PDE4D: variants seen among roughly 807,000 people sequenced by gnomAD.
The protein encoded by PDE4D is phosphodiesterase 4D.
In PDE4D, 24 loss-of-function variants were observed where a neutral mutation model predicts 87.4. That is an observed-to-expected ratio of 0.27 (90% CI 0.20 to 0.39). The LOEUF is 0.39. Ranked by LOEUF, PDE4D falls within the 10% of genes least tolerant of loss-of-function variation. The pLI is 1.00. For missense variants in PDE4D, 714 were observed against 1,041.0 expected, an observed-to-expected ratio of 0.69 and a Z score of 4.32; for synonymous variants, 384 against 383.2, an observed-to-expected ratio of 1.00 and a Z score of -0.02.
intron 5 of PDE4D, among the ~76,000 whole-genome samples, chr5:59,119,173 C>T (rs368291824): frequency 2.6e-5 from 4 of 152,212 alleles, no homozygotes; most frequent in Non-Finnish European, 2.9e-5. Flanking sequence ...ACCATATTCA[C>T]GAAAGTGAAT....
intron 2 of PDE4D, among the ~76,000 whole-genome samples, chr5:60,166,007 T>C (rs1284148819): frequency 6.6e-6 from 1 of 152,182 alleles, no homozygotes; most frequent in Non-Finnish European, 1.5e-5. Flanking sequence ...TAGTGTATTC[T>C]GATTCCTTGC....
At chr5:59,565,608 G>A (rs1223673845) in intron 1 of PDE4D, among the ~76,000 whole-genome samples, 1 of 152,242 alleles carries the variant, frequency 6.6e-6, no homozygotes, top group South Asian at 2.1e-4. Flanking sequence ...ACTGGGAGGT[G>A]TGGGTAGTGG....
intron 5 of PDE4D, chr5:59,125,384 T>C: frequency 1.7e-6 from 1 of 582,516 alleles, no homozygotes; most frequent in Non-Finnish European, 2.2e-6. Context: ...TTCCTTAAGC[T>C]TCCTCTGTCA....
intron 1 of PDE4D, among the ~76,000 whole-genome samples, chr5:59,457,667 G>T (rs1026532740): frequency 1.3e-5 from 2 of 152,080 alleles, no homozygotes; most frequent in Admixed American, 1.3e-4. Context: ...GAGGCAGGTG[G>T]ATCACCTGAG....
intron 1 of PDE4D, among the ~76,000 whole-genome samples, chr5:59,382,671 A>G (rs1158317590): frequency 2.0e-5 from 3 of 152,170 alleles, no homozygotes; most frequent in African/African-American, 4.8e-5. Flanking sequence ...ACAAAAACTT[A>G]AACAATTCCC....
intron 1 of PDE4D, among the ~76,000 whole-genome samples, chr5:59,510,297 C>G (rs1241502969): frequency 6.6e-6 from 1 of 150,848 alleles, no homozygotes; most frequent in Non-Finnish European, 1.5e-5. Context: ...CACAAAGCAA[C>G]TTACTTAGAA....
chr5:59,602,091 C>A (rs180701647), intron 1 of PDE4D, among the ~76,000 whole-genome samples: 4 of 152,126 alleles, frequency 2.6e-5, no homozygotes, highest in African/African-American at 9.6e-5. Context: ...TGGGATTCAT[C>A]CTAGGGATGC....
intron 1 of PDE4D, among the ~76,000 whole-genome samples, chr5:60,410,671 G>A (rs1272643355): frequency 6.6e-6 from 1 of 152,150 alleles, no homozygotes; most frequent in South Asian, 2.1e-4. Context: ...CAGACACTAT[G>A]ACTGACTTCC....
chr5:59,524,019 C>T (rs1266005290), intron 1 of PDE4D, among the ~76,000 whole-genome samples: 1 of 152,198 alleles, frequency 6.6e-6, no homozygotes, highest in Non-Finnish European at 1.5e-5. Context: ...TTACAAATTA[C>T]CCAGTCTCAG....
chr5:59,398,067 T>G (rs1207895886), intron 1 of PDE4D, among the ~76,000 whole-genome samples: 4 of 143,324 alleles, frequency 2.8e-5, no homozygotes, highest in Non-Finnish European at 6.1e-5. Flanking sequence ...AATAACAGGA[T>G]CTGAAATTGT....
chr5:58,984,494 A>G (rs1745960001), intron 11 of PDE4D, among the ~76,000 whole-genome samples: 3 of 152,250 alleles, frequency 2.0e-5, no homozygotes, highest in Admixed American at 1.3e-4. Context: ...CTATATAATC[A>G]CATTTGATAA....
chr5:60,133,296 T>A (rs1402899139), intron 2 of PDE4D, among the ~76,000 whole-genome samples: 3 of 152,180 alleles, frequency 2.0e-5, no homozygotes, highest in Non-Finnish European at 2.9e-5. Flanking sequence ...GAGTTCATAC[T>A]CTGCCACTTA....
chr5:59,997,089 T>C (rs1442394293), intron 2 of PDE4D, among the ~76,000 whole-genome samples: 1 of 152,182 alleles, frequency 6.6e-6, no homozygotes, highest in East Asian at 1.9e-4. Context: ...AACTCTAGGA[T>C]TCAATTAACC....
At chr5:59,195,269 C>CA (rs34275268) in intron 2 of PDE4D, among the ~76,000 whole-genome samples, 126 of 147,490 alleles carry the variant, frequency 8.5e-4, no homozygotes, top group African/African-American at 2.6e-3. Context: ...CCTTGACTCT[C>CA]AAAAAAAAAA....
At chr5:60,458,735 T>C (rs376130805) in intron 1 of PDE4D, among the ~76,000 whole-genome samples, 2 of 145,698 alleles carry the variant, frequency 1.4e-5, no homozygotes, top group African/African-American at 5.5e-5. Context: ...ATCAAGATAA[T>C]GAGTGAGCAC....
chr5:59,021,801 A>T (rs942056612), intron 6 of PDE4D, among the ~76,000 whole-genome samples: 8 of 152,178 alleles, frequency 5.3e-5, no homozygotes, highest in Admixed American at 4.6e-4. Context: ...TTCATCTTCT[A>T]TTCCATTTTA....
At chr5:59,156,481 A>G (rs893401272) in intron 5 of PDE4D, among the ~76,000 whole-genome samples, 1 of 151,080 alleles carries the variant, frequency 6.6e-6, no homozygotes, top group Non-Finnish European at 1.5e-5. Context: ...TGGGTGTACT[A>G]TTCCTTCTTT....
At chr5:59,788,096 GA>G (rs1323320812) in intron 1 of PDE4D, among the ~76,000 whole-genome samples, 1 of 151,828 alleles carries the variant, frequency 6.6e-6, no homozygotes, top group Non-Finnish European at 1.5e-5. Flanking sequence ...ATAGAAAAAT[GA>G]AAAAAATGCA....
intron 5 of PDE4D, among the ~76,000 whole-genome samples, chr5:59,146,925 G>A (rs1261612214): frequency 6.6e-6 from 1 of 152,186 alleles, no homozygotes; most frequent in Non-Finnish European, 1.5e-5. Context: ...TCCATGGCCT[G>A]TTAGGAACCT....
Sources: gnomAD v4.1 joint callset for allele counts (sites outside exome capture counted in the v4.1 genomes callset) on GRCh38, gnomAD v4.1.1 for gene constraint, MANE v1.5 for transcripts, NCBI Gene and HGNC (gene_info 2026-07-23, HGNC 2026-07-21) for gene names.